The following BAZ1B variants were observed in gnomAD, a reference collection of about 807,000 sequenced individuals.
The protein encoded by BAZ1B is tyrosine-protein kinase BAZ1B.
Under a neutral mutation model 153.8 loss-of-function variants are expected in BAZ1B, and 22 were observed. The observed-to-expected ratio is 0.14, with a 90% CI of 0.10 to 0.20. BAZ1B has a LOEUF of 0.20. BAZ1B is among the 10% of genes least tolerant of loss of function. BAZ1B has a pLI of 1.00. For missense variants in BAZ1B, 1,325 were observed against 1,799.3 expected, an observed-to-expected ratio of 0.74 and a Z score of 4.77; for synonymous variants, 676 against 633.4, an observed-to-expected ratio of 1.07 and a Z score of -1.01.
At chr7:73,487,562 G>A (rs555089734) in intron 6 of BAZ1B, among the ~76,000 whole-genome samples, 6 of 152,308 alleles carry the variant, frequency 3.9e-5, no homozygotes, top group South Asian at 2.1e-4. Flanking sequence ...AGAGCTGTAA[G>A]ATTAGAAAAG....
chr7:73,469,125 C>T (rs1382753824), intron 9 of BAZ1B, among the ~76,000 whole-genome samples: 3 of 143,654 alleles, frequency 2.1e-5, no homozygotes, highest in South Asian at 2.2e-4. Context: ...AGTGAAATTC[C>T]GTCTCAAAAA....
At chr7:73,472,733 C>T (rs1214263379) in intron 7 of BAZ1B, among the ~76,000 whole-genome samples, 5 of 128,132 alleles carry the variant, frequency 3.9e-5, no homozygotes, top group Non-Finnish European at 6.4e-5. Context: ...TGTGCCACCA[C>T]AGCCAGCTAA....
At chr7:73,509,006 C>T (rs1348020492) in intron 2 of BAZ1B, among the ~76,000 whole-genome samples, 2 of 146,852 alleles carry the variant, frequency 1.4e-5, no homozygotes, top group Non-Finnish European at 3.0e-5. Context: ...GAGCGAGATT[C>T]CATCTCAAAA....
chr7:73,478,275 T>C lies in BAZ1B; in HGVS notation c.1186A>G (p.Lys396Glu). 1 of 1,614,218 alleles carries C rather than the reference T, an allele frequency of 6.2e-7. No individual in the cohort carries two copies. Among genetic ancestry groups the C allele is most frequent in the Non-Finnish European group, 8.5e-7 (1 of 1,180,028 alleles). ...GCCTTCAAAGGCTTGTCACTGTGCT[T>C]CCCTGGTTTCTTGGCAGGTGGGCCT... ...KKGPPAKKPG[K>E]HSDKPLKAKG... Residue 396 changes from lysine (K) to glutamate (E), a missense_variant, in exon 7 of 20, where the codon AAG (lysine) becomes GAG (glutamate). By Grantham distance (56) the Lys-to-Glu change is moderately conservative (BLOSUM62 1). Around this residue, in one of 9 missense-constraint regions of BAZ1B, gnomAD observed 219 missense variants for 248.2 expected, o/e 0.88. Coordinates refer to ENST00000339594, the MANE Select transcript of BAZ1B (RefSeq NM_032408.4).
At chr7:73,467,138 G>A (rs1554571289) in intron 9 of BAZ1B, among the ~76,000 whole-genome samples, 1 of 152,004 alleles carries the variant, frequency 6.6e-6, no homozygotes, top group East Asian at 1.9e-4. Context: ...TCACCATGTT[G>A]GCCAGGCTGG....
chr7:73,484,283 G>A (rs534674076), intron 6 of BAZ1B, among the ~76,000 whole-genome samples: 3 of 150,882 alleles, frequency 2.0e-5, no homozygotes, highest in East Asian at 1.9e-4. Context: ...AGGGAGGGAC[G>A]GAGGGAGGAA....
At chr7:73,512,028 CAAAAAAAAAAAAAA>C (rs1168749967) in intron 1 of BAZ1B, among the ~76,000 whole-genome samples, 6 of 34,746 alleles carry the variant, frequency 1.7e-4, no homozygotes, top group East Asian at 1.0e-3. Flanking sequence ...AACTCCACCT[CAAAAAAAAAAAAAA>C]AAAAAAAAAA....
At chr7:73,517,950 C>A (rs147992675) in intron 1 of BAZ1B, among the ~76,000 whole-genome samples, 43 of 152,284 alleles carry the variant, frequency 2.8e-4, no homozygotes, top group Non-Finnish European at 5.0e-4. Flanking sequence ...TGTAACTAAC[C>A]TAAGTGCTCT....
chr7:73,466,666 T>C (rs1313897310), intron 9 of BAZ1B, among the ~76,000 whole-genome samples: 2 of 152,230 alleles, frequency 1.3e-5, no homozygotes, highest in Non-Finnish European at 2.9e-5. Context: ...GAATGAAGAA[T>C]GACTAAATAT....
intron 4 of BAZ1B, among the ~76,000 whole-genome samples, chr7:73,497,942 G>A (rs1191923677): frequency 5.3e-5 from 8 of 150,688 alleles, no homozygotes; most frequent in Admixed American, 4.6e-4. Flanking sequence ...CACAGCTTTT[G>A]TGTTTTGTTT....
chr7:73,498,609 A>T lies in BAZ1B; in HGVS notation c.459T>A (p.Asp153Glu). 1 of 1,614,126 alleles carries T rather than the reference A, an allele frequency of 6.2e-7. No homozygotes were observed. Among genetic ancestry groups the T allele is most frequent in the Non-Finnish European group, 8.5e-7 (1 of 1,179,998 alleles). Reference protein sequence around the residue: ...VDEEATEKKSDGACDSPSSDK... With the variant: ...VDEEATEKKSEGACDSPSSDK... ...CACTTGATGGAGAATCACAGGCACC[A>T]TCAGATTTCTTCTCAGTGGCCTCTT... is the stretch of plus-strand genomic sequence containing the variant. Residue 153 changes from aspartate to glutamate, a missense_variant, in exon 4 of 20, where the codon GAT becomes GAA. Around this residue, in one of 9 missense-constraint regions of BAZ1B, gnomAD observed 153 missense variants for 204.8 expected, o/e 0.75. Coordinates refer to ENST00000339594, the MANE Select transcript of BAZ1B (RefSeq NM_032408.4).
At chr7:73,503,656 G>A (rs181056945) in intron 3 of BAZ1B, among the ~76,000 whole-genome samples, 4 of 152,212 alleles carry the variant, frequency 2.6e-5, no homozygotes, top group South Asian at 4.1e-4. Flanking sequence ...ATTACAGGCA[G>A]GAGCCATTGG....
At chr7:73,509,509 C>T (rs1024606745) in intron 2 of BAZ1B, among the ~76,000 whole-genome samples, 17 of 151,918 alleles carry the variant, frequency 1.1e-4, no homozygotes, top group Admixed American at 6.6e-5. Flanking sequence ...TGCTTGAGCC[C>T]AGGAGTTTGA....
intron 8 of BAZ1B, 95 bp from the exon 9 acceptor site, chr7:73,469,745 C>T: frequency 7.2e-7 from 1 of 1,393,784 alleles, no homozygotes; most frequent in Admixed American, 1.8e-5. Flanking sequence ...TATCACTGAG[C>T]ATTCAAAACC....
rs566433046 is a variant in BAZ1B, at chr7:73,450,496, C to T, written c.3580+351G>A. 6.6e-6 allele frequency among the ~76,000 whole-genome samples: 1 copy of T among 152,318 alleles called. No homozygotes were observed. Among genetic ancestry groups the T allele is most frequent in the East Asian group, 1.9e-4 (1 of 5,190 alleles). On this transcript the variant is annotated intron_variant, in intron 14 of 19. Coordinates refer to ENST00000339594, the MANE Select transcript of BAZ1B (RefSeq NM_032408.4). The surrounding 1 kb of genome is among the most constrained non-coding windows in gnomAD (Gnocchi z 4.1). ...TACCCGGACTGCCTCCTGCTGAAAG[C>T]ACATATCTTACTTCACAGATGACTA...
intron 1 of BAZ1B, among the ~76,000 whole-genome samples, chr7:73,517,542 G>A (rs1009532365): frequency 1.3e-5 from 2 of 152,040 alleles, no homozygotes; most frequent in Admixed American, 6.6e-5. Context: ...GAAAAAAAAT[G>A]AAAATGAAAA....
intron 6 of BAZ1B, among the ~76,000 whole-genome samples, chr7:73,479,681 C>T (rs1374846164): frequency 6.6e-6 from 1 of 152,032 alleles, no homozygotes; most frequent in Non-Finnish European, 1.5e-5. Flanking sequence ...ACCATCCTAA[C>T]CCCCATGTCT....
intron 6 of BAZ1B, 103 bp downstream of exon 6, chr7:73,489,091 C>T: frequency 8.2e-7 from 1 of 1,214,224 alleles, no homozygotes; most frequent in Non-Finnish European, 1.1e-6. Context: ...AATTCATTAT[C>T]TGATGTTAGA....
chr7:73,518,225 C>A (rs1412979627), intron 1 of BAZ1B, among the ~76,000 whole-genome samples: 7 of 150,672 alleles, frequency 4.6e-5, no homozygotes, highest in African/African-American at 1.7e-4. Flanking sequence ...CACAATGAAA[C>A]CCCATCTCTA....
Sources: gnomAD v4.1 joint callset for allele counts (sites outside exome capture counted in the v4.1 genomes callset) on GRCh38, gnomAD v4.1.1 for gene constraint, gnomAD v4.1.1 regional missense constraint, Gnocchi (gnomAD v3.1) non-coding constraint, MANE v1.5 for transcripts, NCBI Gene and HGNC (gene_info 2026-07-23, HGNC 2026-07-21) for gene names.